LMOD1: variants seen among roughly 807,000 people sequenced by gnomAD.
LMOD1 encodes leiomodin-1.
Under a neutral mutation model 36.5 loss-of-function variants are expected in LMOD1, and 8 were observed. The ratio of observed to expected loss-of-function variants is 0.22; its 90% CI spans 0.13 to 0.40. The LOEUF (loss-of-function observed/expected upper bound fraction) is 0.40, where lower values mean the gene tolerates loss of function less well. Among genes scored for constraint, LMOD1 ranks in the 10% least tolerant of loss-of-function variants. LMOD1 has a pLI of 1.00. For missense variants in LMOD1, 630 were observed against 751.1 expected, an observed-to-expected ratio of 0.84 and a Z score of 1.88; for synonymous variants, 284 against 288.7, an observed-to-expected ratio of 0.98 and a Z score of 0.17.
At chr1:201,942,463 T>C (rs1196761502) in intron 1 of LMOD1, among the ~76,000 whole-genome samples, 1 of 152,074 alleles carries the variant, frequency 6.6e-6, no homozygotes, top group Non-Finnish European at 1.5e-5. Flanking sequence ...GGAATATTCA[T>C]GAAAAAGATG....
intron 1 of LMOD1, among the ~76,000 whole-genome samples, chr1:201,933,209 T>C (rs1328736393): frequency 2.6e-5 from 4 of 151,750 alleles, no homozygotes; most frequent in African/African-American, 9.7e-5. Flanking sequence ...AAGTCAGGAG[T>C]TCAGGACCAG....
chr1:201,905,604 A>G (rs2102911782), intron 1 of LMOD1, among the ~76,000 whole-genome samples: 1 of 152,336 alleles, frequency 6.6e-6, no homozygotes, highest in South Asian at 2.1e-4. Context: ...CGGCAACCAC[A>G]GCCCACTGAT....
At chr1:201,935,700 G>A (rs1682006699) in intron 1 of LMOD1, among the ~76,000 whole-genome samples, 4 of 151,948 alleles carry the variant, frequency 2.6e-5, no homozygotes, top group Middle Eastern at 3.4e-3. Context: ...GGGATTACAG[G>A]TGCCCACCAC....
intron 1 of LMOD1, among the ~76,000 whole-genome samples, chr1:201,935,849 A>G (rs1486560589): frequency 6.7e-6 from 1 of 148,894 alleles, no homozygotes. Context: ...GAGCCACCAC[A>G]CCTGGCCAAT....
chr1:201,937,143 C>G (rs1475402439), intron 1 of LMOD1, among the ~76,000 whole-genome samples: 1 of 152,154 alleles, frequency 6.6e-6, no homozygotes, highest in Non-Finnish European at 1.5e-5. Flanking sequence ...TATTGTCTGT[C>G]TCACCCATTA....
At chr1:201,922,485 C>T (rs1174041342) in intron 1 of LMOD1, among the ~76,000 whole-genome samples, 1 of 151,994 alleles carries the variant, frequency 6.6e-6, no homozygotes, top group African/African-American at 2.4e-5. Flanking sequence ...TCTGAAAGAC[C>T]ACATATTTTA....
At chr1:201,912,774 A>G (rs186777192) in intron 1 of LMOD1, among the ~76,000 whole-genome samples, 1,973 of 152,076 alleles carry the variant, frequency 0.013, 36 homozygotes, top group African/African-American at 0.042. Context: ...CAGGAGAATC[A>G]CTTGAACCCG....
chr1:201,905,950 A>G (rs956754294), intron 1 of LMOD1, among the ~76,000 whole-genome samples: 7 of 152,234 alleles, frequency 4.6e-5, no homozygotes, highest in African/African-American at 1.7e-4. Context: ...GACCGAGGTG[A>G]TGGCAGTTCC....
Position 201,899,289 on chromosome 1 carries a change from C to T in LMOD1, c.1724G>A (p.Arg575His), listed in dbSNP as rs746313284. 3.1e-6 allele frequency: 5 copies of T among 1,607,070 alleles called. No homozygotes were observed. Among genetic ancestry groups the T allele is most frequent in the Non-Finnish European group, 4.3e-6 (5 of 1,176,180 alleles). ...KVLPAQEKNS[R>H]DQLLAAIRSS... The stretch of plus-strand genomic sequence containing the variant: ...GCGGATGGCAGCCAATAGCTGGTCA[C>T]GGGAGTTCTTCTCCTGGGCAGGGAG... The change falls in exon 2 of 3, where the codon CGT becomes CAT. Residue 575 changes from arginine (R) to histidine (H), a missense_variant. Arg to His is a conservative substitution (Grantham distance 29, BLOSUM62 0). Around this residue, in one of 3 missense-constraint regions of LMOD1, gnomAD observed 144 missense variants for 169.8 expected, o/e 0.85. Coordinates refer to ENST00000367288, the MANE Select transcript of LMOD1 (RefSeq NM_012134.3). The surrounding 1 kb of genome is among the most constrained non-coding windows in gnomAD (Gnocchi z 6.3).
chr1:201,923,908 GGAGAGAGAGA>G (rs557889560), intron 1 of LMOD1, among the ~76,000 whole-genome samples: 1 of 124,266 alleles, frequency 8.0e-6, no homozygotes, highest in Admixed American at 8.6e-5. Context: ...AGAGAGGGAG[GGAGAGAGAGA>G]GAGAGAGAGA....
At position 201,901,542 on chromosome 1, in the gene LMOD1, ATATATATATACATATATATATG is replaced by A. The variant is rs1558234636; in HGVS notation, c.262-813_262-792del. Among the ~76,000 whole-genome samples, 32 of 53,418 alleles carry A rather than the reference ATATATATATACATATATATATG, an allele frequency of 6.0e-4. 1 individual carries two copies. Among genetic ancestry groups the A allele is most frequent in the African/African-American group, 3.0e-3 (30 of 9,920 alleles). 35.0% of individuals were successfully genotyped at this position (53,418 alleles called of 152,430 possible). On this transcript the variant is annotated intron_variant, in intron 1 of 2. Coordinates refer to ENST00000367288, the MANE Select transcript of LMOD1 (RefSeq NM_012134.3). ...TATATATATATATGTATATATATATATATATATATACATATATATATGTATATATATATATATATATACATAT... is the reference window on the plus strand; with the variant it reads ...TATATATATATATGTATATATATATATATATATATATATATATATACATAT...
chr1:201,930,319 G>A (rs1289131575), intron 1 of LMOD1, among the ~76,000 whole-genome samples: 4 of 152,238 alleles, frequency 2.6e-5, no homozygotes, highest in East Asian at 1.9e-4. Context: ...AGGCTGTGAC[G>A]TTCTTCTAGT....
chr1:201,911,786 C>T (rs1427361346), intron 1 of LMOD1, among the ~76,000 whole-genome samples: 1 of 152,142 alleles, frequency 6.6e-6, no homozygotes, highest in African/African-American at 2.4e-5. Flanking sequence ...TGTTGCTTTC[C>T]CCAGTGCTTG....
chr1:201,945,883 G>A (rs1682203066), intron 1 of LMOD1, among the ~76,000 whole-genome samples, 197 bp downstream of exon 1: 1 of 152,156 alleles, frequency 6.6e-6, no homozygotes, highest in South Asian at 2.1e-4. Context: ...CAACATATCC[G>A]ACTTCTGCTT....
intron 1 of LMOD1, among the ~76,000 whole-genome samples, chr1:201,942,505 C>CAGAGGG (rs1393517533): frequency 6.6e-6 from 1 of 152,088 alleles, no homozygotes; most frequent in Admixed American, 6.5e-5. Flanking sequence ...TGGAATATCC[C>CAGAGGG]ATCCCTTGGA....
intron 1 of LMOD1, among the ~76,000 whole-genome samples, chr1:201,906,498 A>G (rs910924084): frequency 9.2e-5 from 14 of 152,030 alleles, no homozygotes; most frequent in East Asian, 1.9e-4. Context: ...AGTCTCATCT[A>G]TCTTTACAAG....
chr1:201,918,407 C>T (rs1666386427), intron 1 of LMOD1, among the ~76,000 whole-genome samples: 1 of 152,206 alleles, frequency 6.6e-6, no homozygotes, highest in African/African-American at 2.4e-5. Context: ...TGATCCATGG[C>T]TCCCATGCTT....
intron 1 of LMOD1, among the ~76,000 whole-genome samples, chr1:201,932,042 G>C (rs1304110367): frequency 1.3e-5 from 2 of 152,204 alleles, no homozygotes; most frequent in Non-Finnish European, 2.9e-5. Flanking sequence ...GCTATCTGAG[G>C]CTGCTGGGTA....
chr1:201,913,734 G>T (rs1444977759), intron 1 of LMOD1, among the ~76,000 whole-genome samples: 1 of 152,228 alleles, frequency 6.6e-6, no homozygotes, highest in East Asian at 1.9e-4. Flanking sequence ...TGAGGCTTAA[G>T]CCCTGCCAAA....
Sources: allele counts gnomAD v4.1 joint callset (sites outside exome capture counted in the v4.1 genomes callset), GRCh38; gene constraint gnomAD v4.1.1; regional missense constraint gnomAD v4.1.1; non-coding constraint Gnocchi (gnomAD v3.1); transcripts MANE v1.5; gene names NCBI Gene and HGNC (gene_info 2026-07-23, HGNC 2026-07-21).